Variants in NLRP5 observed in about 807,000 individuals in gnomAD.
NLRP5 encodes NACHT, LRR and PYD domains-containing protein 5.
In NLRP5, 93 loss-of-function variants were observed where a neutral mutation model predicts 113.1. The observed-to-expected ratio is 0.82, with a 90% CI of 0.70 to 0.98. The LOEUF is 0.98. Among genes scored for constraint, NLRP5 ranks in the 50% least tolerant of loss-of-function variants. NLRP5 has a pLI of 0.00. For missense variants in NLRP5, 1,808 were observed against 1,514.3 expected (o/e 1.19, Z -3.22); for synonymous variants, 751 against 600.7 (o/e 1.25, Z -3.66).
intron 14 of NLRP5, among the ~76,000 whole-genome samples, chr19:56,058,997 T>G (rs1242292176): frequency 6.6e-6 from 1 of 152,134 alleles, no homozygotes; most frequent in Non-Finnish European, 1.5e-5. Flanking sequence ...GAAGAGGTAC[T>G]TATAAGAGTG....
chr19:56,059,574 C>T (rs561258385), intron 14 of NLRP5, among the ~76,000 whole-genome samples: 27 of 152,200 alleles, frequency 1.8e-4, no homozygotes, highest in African/African-American at 5.3e-4. Flanking sequence ...ACTCTGTTGC[C>T]TCCAGGCTGG....
At chr19:55,990,423 G>A in the NLRP5 span, among the ~76,000 whole-genome samples, 1 of 152,056 alleles carries the variant, frequency 6.6e-6, no homozygotes, top group Non-Finnish European at 1.5e-5. Context: ...GGGCACAGTG[G>A]CTCATGCCTA....
At chr19:56,028,559 C>A in intron 7 of NLRP5, 50 bp downstream of exon 7, 1 of 1,528,106 alleles carries the variant, frequency 6.5e-7, no homozygotes, top group Non-Finnish European at 8.9e-7. Flanking sequence ...AGCTCTGTGT[C>A]TCTACTGCTG....
At chr19:56,033,487 G>C in intron 8 of NLRP5, 55 bp from the exon 9 acceptor site, 1 of 1,346,386 alleles carries the variant, frequency 7.4e-7, no homozygotes, top group African/African-American at 1.5e-5. Flanking sequence ...AAGGAAAAAT[G>C]AGGATACAAC....
chr19:56,045,605 C>G (rs1043444056), intron 11 of NLRP5, among the ~76,000 whole-genome samples: 2 of 151,958 alleles, frequency 1.3e-5, no homozygotes, highest in African/African-American at 4.8e-5. Flanking sequence ...CTTCCTGTGT[C>G]CATGTGTTCT....
Position 56,027,497 on chromosome 19 carries a change from G to C in NLRP5, c.1264G>C (p.Val422Leu). 1 of 1,613,892 alleles carries C rather than the reference G, an allele frequency of 6.2e-7. No individual in the cohort carries two copies. Among genetic ancestry groups the C allele is most frequent in the East Asian group, 2.2e-5 (1 of 44,878 alleles). ...CACAGAGAAGCTCAAGTCAGAGGTC[G>C]TGTCTCCCCGTTACCTGTTAGTTAG... Residue 422 changes from valine to leucine, a missense_variant, in exon 7 of 15, where the codon GTG (valine) becomes CTG (leucine). Physicochemically the swap from Val to Leu is conservative, Grantham distance 32 (BLOSUM62 1). Transcript: ENST00000390649.
At position 56,015,641 on chromosome 19, in the gene NLRP5, T is replaced by C. The variant is rs573093329; in HGVS notation, c.509-101T>C. On this transcript the variant is annotated intron_variant, in intron 3 of 14. Coordinates refer to ENST00000390649, the MANE Select transcript of NLRP5 (RefSeq NM_153447.4). ...CTGTGCTCTAAACTGGTCAGAAAAT[T>C]AACTATGGCATGACTAAGTTTATCT... is the stretch of plus-strand genomic sequence containing the variant. The C allele has an allele frequency of 2.2e-5, 21 of 973,956 alleles. No homozygotes were observed. The African/African-American group carries it at 3.3e-4, about 15-fold the overall frequency. 60.3% of individuals were successfully genotyped at this position (973,956 alleles called of 1,614,324 possible).
At chr19:56,009,339 C>CAAAAAAAAAAA (rs71296979) in intron 3 of NLRP5, among the ~76,000 whole-genome samples, 2,475 of 44,218 alleles carry the variant, frequency 0.056, 405 homozygotes, top group African/African-American at 0.087. Context: ...GACTCCATCT[C>CAAAAAAAAAAA]AAAAAAAAAA....
At position 56,027,700 on chromosome 19, in the gene NLRP5, G is replaced by A. The variant is rs1982922614; in HGVS notation, c.1467G>A (p.Glu489=). Reference sequence around the variant, plus strand: ...TGCAGCTGCAGGACGTGGTGGGGGAGAGCGTCGCCCCCTTCAACCAAACGC... The same window carrying A: ...TGCAGCTGCAGGACGTGGTGGGGGAAAGCGTCGCCCCCTTCAACCAAACGC... Residue 489 remains glutamate, a synonymous_variant, in exon 7 of 15, where the codon GAG becomes GAA. Transcript: ENST00000390649. 1 of 1,613,540 alleles carries A rather than the reference G, an allele frequency of 6.2e-7. No individual in the cohort carries two copies. Among genetic ancestry groups the A allele is most frequent in the Non-Finnish European group, 8.5e-7 (1 of 1,179,902 alleles).
intron 12 of NLRP5, among the ~76,000 whole-genome samples, chr19:56,052,235 G>C (rs1983955954): frequency 6.6e-6 from 1 of 151,522 alleles, no homozygotes; most frequent in South Asian, 2.1e-4. Context: ...GTTTTGGTGG[G>C]GTTTTGTTTT....
At chr19:56,023,488 C>G (rs1156797730) in intron 6 of NLRP5, among the ~76,000 whole-genome samples, 1 of 152,172 alleles carries the variant, frequency 6.6e-6, no homozygotes, top group Non-Finnish European at 1.5e-5. Context: ...CCACAAAGTT[C>G]CAAAAAGCGA....
At chr19:55,992,320 C>T in the NLRP5 span, among the ~76,000 whole-genome samples, 8 of 152,110 alleles carry the variant, frequency 5.3e-5, no homozygotes, top group South Asian at 4.1e-4. Context: ...AACAGTGCCA[C>T]GGTGAACATT....
intron 11 of NLRP5, among the ~76,000 whole-genome samples, chr19:56,046,325 G>T (rs1910116383): frequency 6.6e-6 from 1 of 151,938 alleles, no homozygotes; most frequent in African/African-American, 2.4e-5. Context: ...CTGACATGTT[G>T]TTGGATTTGG....
At chr19:56,026,135 G>C (rs933283744) in intron 6 of NLRP5, among the ~76,000 whole-genome samples, 1 of 152,068 alleles carries the variant, frequency 6.6e-6, no homozygotes. Flanking sequence ...CATGTTCTCA[G>C]CACCTGGCTA....
intron 9 of NLRP5, among the ~76,000 whole-genome samples, chr19:56,035,547 A>G (rs1262931895): frequency 1.3e-5 from 2 of 152,238 alleles, no homozygotes; most frequent in African/African-American, 4.8e-5. Flanking sequence ...ATTGTCGGAA[A>G]AGATGGATGG....
Position 56,027,310 on chromosome 19 carries a change from C to T in NLRP5, c.1077C>T (p.Phe359=). 1 of 1,612,262 alleles carries T rather than the reference C, an allele frequency of 6.2e-7. No individual in the cohort carries two copies. The highest frequency in any genetic ancestry group is 8.5e-7 in the Non-Finnish European group (1 of 1,179,880). The change falls in exon 7 of 15, where the codon TTC becomes TTT. Residue 359 remains phenylalanine (F), a synonymous_variant. Coordinates refer to ENST00000390649, the MANE Select transcript of NLRP5 (RefSeq NM_153447.4). ...TGTCCCGACCAGAAAGGCTGTTGTT[C>T]ATCATTGACGGTTTCGATGACCTGG...
At chr19:55,990,083 T>TCTTTTC in the NLRP5 span, among the ~76,000 whole-genome samples, 1,274 of 42,364 alleles carry the variant, frequency 0.03, 29 homozygotes, top group African/African-American at 0.05. Flanking sequence ...TTTTTTCTTT[T>TCTTTTC]TTTTTTTTTT....
At chr19:56,059,439 A>G (rs1478191083) in intron 14 of NLRP5, among the ~76,000 whole-genome samples, 1 of 152,238 alleles carries the variant, frequency 6.6e-6, no homozygotes, top group Non-Finnish European at 1.5e-5. Flanking sequence ...GCATGAAGGA[A>G]CACAGTTGTA....
intron 9 of NLRP5, among the ~76,000 whole-genome samples, chr19:56,036,354 A>G (rs1983316706): frequency 6.6e-6 from 1 of 150,470 alleles, no homozygotes; most frequent in African/African-American, 2.4e-5. Context: ...GGCTTGAGCC[A>G]CTGCGCCTGG....
Sources: gnomAD v4.1 joint callset for allele counts (sites outside exome capture counted in the v4.1 genomes callset) on GRCh38, gnomAD v4.1.1 for gene constraint, MANE v1.5 for transcripts, NCBI Gene and HGNC (gene_info 2026-07-23, HGNC 2026-07-21) for gene names.